The following PRKG1 variants were observed in gnomAD, a reference collection of about 807,000 sequenced individuals.
PRKG1 encodes protein kinase cGMP-dependent 1.
PRKG1 carries 35 observed loss-of-function variants against 88.1 expected under a neutral mutation model. The observed-to-expected ratio is 0.40, with a 90% CI of 0.30 to 0.53. PRKG1 has a LOEUF of 0.53. Among genes scored for constraint, PRKG1 ranks in the 20% least tolerant of loss-of-function variants. PRKG1 has a pLI of 0.59. For synonymous variants in PRKG1, 303 were observed against 292.5 expected (o/e 1.04, Z -0.37); for missense variants, 540 against 839.8 (o/e 0.64, Z 4.41).
intron 2 of PRKG1, among the ~76,000 whole-genome samples, chr10:51,338,356 CA>C (rs1441852958): frequency 6.6e-6 from 1 of 152,168 alleles, no homozygotes; most frequent in Non-Finnish European, 1.5e-5. Context: ...CACCATGGCA[CA>C]CATTTACCTA....
chr10:52,185,631 A>G (rs1265409572), intron 9 of PRKG1, among the ~76,000 whole-genome samples: 2 of 152,170 alleles, frequency 1.3e-5, no homozygotes, highest in Non-Finnish European at 2.9e-5. Flanking sequence ...TACTGCCCCT[A>G]TAGAAGTTAT....
chr10:51,491,257 T>C (rs1840702330), intron 3 of PRKG1, among the ~76,000 whole-genome samples: 1 of 152,082 alleles, frequency 6.6e-6, no homozygotes, highest in Admixed American at 6.6e-5. Flanking sequence ...ATAAATGTTA[T>C]GACAAAGTGA....
chr10:51,538,758 G>T (rs960960774), intron 3 of PRKG1, among the ~76,000 whole-genome samples: 3 of 151,198 alleles, frequency 2.0e-5, no homozygotes, highest in Non-Finnish European at 2.9e-5. Context: ...GAAAATAATT[G>T]GTTGTCCTGA....
chr10:52,059,408 TAAACA>T (rs1846183353), intron 6 of PRKG1, among the ~76,000 whole-genome samples: 1 of 141,954 alleles, frequency 7.0e-6, no homozygotes, highest in Admixed American at 7.4e-5. Flanking sequence ...AAACTAGAAA[TAAACA>T]AATTGTGTCA....
chr10:52,250,016 CT>C (rs534503405), intron 9 of PRKG1, among the ~76,000 whole-genome samples: 6 of 152,120 alleles, frequency 3.9e-5, no homozygotes, highest in Non-Finnish European at 8.8e-5. Context: ...CAACAGATGT[CT>C]TTTTTCAGCA....
At chr10:51,510,419 G>T (rs1841359746) in intron 3 of PRKG1, among the ~76,000 whole-genome samples, 1 of 152,082 alleles carries the variant, frequency 6.6e-6, no homozygotes, top group African/African-American at 2.4e-5. Context: ...CCAGACCATT[G>T]CAATGAAGCG....
At chr10:52,170,226 C>G (rs892681711) in intron 9 of PRKG1, among the ~76,000 whole-genome samples, 2 of 152,042 alleles carry the variant, frequency 1.3e-5, no homozygotes, top group Admixed American at 1.3e-4. Flanking sequence ...GAAAGAAGGC[C>G]CAAATTTGCC....
At chr10:51,242,806 T>C (rs1290787880) in intron 2 of PRKG1, among the ~76,000 whole-genome samples, 1 of 152,146 alleles carries the variant, frequency 6.6e-6, no homozygotes, top group African/African-American at 2.4e-5. Context: ...ATGCCAATCA[T>C]GAGCAAAAAT....
intron 5 of PRKG1, among the ~76,000 whole-genome samples, chr10:52,049,691 G>A (rs1845941983): frequency 6.6e-6 from 1 of 152,082 alleles, no homozygotes; most frequent in African/African-American, 2.4e-5. Flanking sequence ...AAACAATGGG[G>A]ATAGTGGAAG....
At chr10:51,334,201 A>C in intron 2 of PRKG1, among the ~76,000 whole-genome samples, 1 of 148,740 alleles carries the variant, frequency 6.7e-6, no homozygotes, top group Non-Finnish European at 1.5e-5. Context: ...TCACTCACAC[A>C]CACATACAAA....
At chr10:51,063,510 T>C (rs1843714886) in intron 1 of PRKG1, among the ~76,000 whole-genome samples, 2 of 152,274 alleles carry the variant, frequency 1.3e-5, no homozygotes, top group Middle Eastern at 6.8e-3. Context: ...AAAAATATGG[T>C]ATAAAAGATA....
intron 1 of PRKG1, among the ~76,000 whole-genome samples, chr10:51,082,150 G>A (rs755179243): frequency 1.3e-5 from 2 of 152,136 alleles, no homozygotes; most frequent in East Asian, 1.9e-4. Flanking sequence ...ACTCTGGGGC[G>A]CAGAGAAGTG....
intron 2 of PRKG1, among the ~76,000 whole-genome samples, chr10:51,422,131 G>T (rs989718713): frequency 6.6e-6 from 1 of 152,194 alleles, no homozygotes; most frequent in Non-Finnish European, 1.5e-5. Context: ...AGCTTTAAAA[G>T]TTGTCATGAA....
chr10:51,374,339 C>T (rs966384341), intron 2 of PRKG1, among the ~76,000 whole-genome samples: 6 of 148,786 alleles, frequency 4.0e-5, no homozygotes, highest in Non-Finnish European at 5.9e-5. Context: ...TGAGAACATG[C>T]GGTGTTTGGT....
At chr10:51,818,434 G>A (rs541854937) in intron 4 of PRKG1, among the ~76,000 whole-genome samples, 1 of 152,222 alleles carries the variant, frequency 6.6e-6, no homozygotes, top group Admixed American at 6.5e-5. Context: ...AATCAAACAT[G>A]TCAGAAAAGA....
At chr10:51,762,966 T>C (rs766568749) in intron 3 of PRKG1, among the ~76,000 whole-genome samples, 1 of 152,236 alleles carries the variant, frequency 6.6e-6, no homozygotes, top group Non-Finnish European at 1.5e-5. Context: ...TCTGGTATCC[T>C]AGTCCCAACT....
At chr10:51,892,891 C>A (rs1373400435) in intron 4 of PRKG1, among the ~76,000 whole-genome samples, 1 of 152,158 alleles carries the variant, frequency 6.6e-6, no homozygotes, top group Non-Finnish European at 1.5e-5. Context: ...AGGCACATCA[C>A]CATTAGTGCA....
At chr10:51,274,160 A>T (rs1199064371) in intron 2 of PRKG1, among the ~76,000 whole-genome samples, 2 of 152,136 alleles carry the variant, frequency 1.3e-5, no homozygotes, top group African/African-American at 4.8e-5. Context: ...GGCTATTTAT[A>T]TTGAAGTGAG....
chr10:52,288,949 A>G lies in PRKG1; in HGVS notation c.1851A>G (p.Arg617=). The G allele has an allele frequency of 6.2e-7, 1 of 1,609,362 alleles. No homozygotes were observed. Among genetic ancestry groups the G allele is most frequent in the Non-Finnish European group, 8.5e-7 (1 of 1,177,024 alleles). ...TTTTTAGGGACAATCCATCAGAAAG[A>G]TTAGGGAATTTGAAAAATGGAGTAA... The part of the protein sequence containing the change: ...KKLCRDNPSE[R]LGNLKNGVKD... Residue 617 remains arginine (R), a synonymous_variant, in exon 16 of 18, where the codon AGA becomes AGG. Transcript: ENST00000373980.
Sources: allele counts gnomAD v4.1 joint callset (sites outside exome capture counted in the v4.1 genomes callset), GRCh38; gene constraint gnomAD v4.1.1; transcripts MANE v1.5; gene names NCBI Gene and HGNC (gene_info 2026-07-23, HGNC 2026-07-21).